RMDN2: variants seen among roughly 807,000 people sequenced by gnomAD.
RMDN2 encodes regulator of microtubule dynamics 2, also known as regulator of microtubule dynamics protein 2.
RMDN2 carries 61 observed loss-of-function variants against 52.8 expected under a neutral mutation model. The observed-to-expected ratio is 1.16, with a 90% CI of 0.94 to 1.43. RMDN2 has a LOEUF of 1.43. RMDN2 is among the 40% of genes most tolerant of loss of function. RMDN2 has a pLI of 0.00. For synonymous variants in RMDN2, 180 were observed against 153.1 expected (o/e 1.18, Z -1.30); for missense variants, 592 against 475.3 (o/e 1.25, Z -2.28).
At chr2:37,992,790 C>T (rs953707214) in intron 7 of RMDN2, among the ~76,000 whole-genome samples, 3 of 152,170 alleles carry the variant, frequency 2.0e-5, no homozygotes, top group Admixed American at 6.5e-5. Flanking sequence ...TGACTGTAAA[C>T]ATATATTGTA....
intron 7 of RMDN2, among the ~76,000 whole-genome samples, chr2:37,992,777 A>T (rs768910432): frequency 1.3e-5 from 2 of 152,248 alleles, no homozygotes; most frequent in East Asian, 3.8e-4. Flanking sequence ...TAAGCATTTT[A>T]TGTGACTGTA....
intron 5 of RMDN2, among the ~76,000 whole-genome samples, chr2:37,986,582 A>G (rs1295822859): frequency 6.6e-6 from 1 of 152,140 alleles, no homozygotes; most frequent in African/African-American, 2.4e-5. Context: ...AGAATTATAT[A>G]ACCAAGTGAG....
At chr2:37,973,954 C>T in intron 2 of RMDN2, 86 bp from the exon 3 acceptor site, 2 of 1,040,574 alleles carry the variant, frequency 1.9e-6, no homozygotes, top group Non-Finnish European at 1.4e-6. Context: ...ATAAGAGGGG[C>T]ATGATTTGAC....
At chr2:38,039,181 A>G (rs1206440504) in intron 10 of RMDN2, 1 of 152,028 alleles carries the variant, frequency 6.6e-6, no homozygotes, top group Non-Finnish European at 1.5e-5. Context: ...AATCCATATG[A>G]TTATGGTAAA....
intron 7 of RMDN2, among the ~76,000 whole-genome samples, chr2:37,996,916 G>A (rs994425244): frequency 5.9e-5 from 9 of 152,162 alleles, no homozygotes; most frequent in African/African-American, 2.2e-4. Context: ...TCTGGCTTGA[G>A]GATCCCTATT....
intron 4 of RMDN2, among the ~76,000 whole-genome samples, chr2:37,977,985 A>G (rs6544124): frequency 0.61 from 92,008 of 151,932 alleles, 29,841 homozygotes; most frequent in East Asian, 0.9. Context: ...GGAGGTGGAG[A>G]CTGTAGTGAG....
intron 8 of RMDN2, among the ~76,000 whole-genome samples, chr2:37,999,752 G>A (rs546363816): frequency 7.9e-5 from 12 of 152,156 alleles, no homozygotes; most frequent in Admixed American, 2.0e-4. Context: ...AGACTGCCCC[G>A]AATCCACCCC....
At chr2:38,018,809 C>A (rs973233875), downstream of RMDN2, among the ~76,000 whole-genome samples, 1 of 152,186 alleles carries the variant, frequency 6.6e-6, no homozygotes, top group Non-Finnish European at 1.5e-5. Context: ...ACCTCTTAAT[C>A]AGCCTCATCT....
intron 10 of RMDN2, among the ~76,000 whole-genome samples, chr2:38,064,614 T>C (rs1682193444): frequency 6.6e-6 from 1 of 152,194 alleles, no homozygotes; most frequent in Admixed American, 6.5e-5. Flanking sequence ...CTCCCCTTTT[T>C]TCACCCTTGC....
chr2:37,991,645 C>T (rs903044650), intron 7 of RMDN2, among the ~76,000 whole-genome samples: 1 of 151,816 alleles, frequency 6.6e-6, no homozygotes, highest in African/African-American at 2.4e-5. Context: ...TTGTGGCTGT[C>T]TCAGTTTGGG....
intron 10 of RMDN2, among the ~76,000 whole-genome samples, chr2:38,062,400 G>C (rs1490647511): frequency 1.3e-5 from 2 of 152,102 alleles, no homozygotes; most frequent in Non-Finnish European, 2.9e-5. Flanking sequence ...GTGTATCAAT[G>C]GTTCATTCTT....
Position 37,997,504 on chromosome 2 carries a change from A to G in RMDN2, c.1034A>G (p.Asn345Ser), listed in dbSNP as rs145342355. ...TCAACTGTACAAGAAGCTTTACACA[A>G]TTTCCTTAAGGTACATTTTGTGTAT... ...PSSTVQEALH[N>S]FLKAEELCPG... is the part of the protein sequence containing the mutation. Residue 345 changes from asparagine to serine, a missense_variant, in exon 8 of 11, where the codon AAT becomes AGT. Asn to Ser is a conservative substitution (Grantham distance 46, BLOSUM62 1). Transcript: ENST00000354545. 1.2e-3 allele frequency: 1,939 copies of G among 1,605,438 alleles called. 6 individuals carry two copies. The highest frequency in any genetic ancestry group is 1.6e-3 in the Non-Finnish European group (1,857 of 1,172,338).
At chr2:38,005,419 T>C (rs1219723308) in intron 10 of RMDN2, among the ~76,000 whole-genome samples, 1 of 152,176 alleles carries the variant, frequency 6.6e-6, no homozygotes, top group African/African-American at 2.4e-5. Context: ...TGGTGTCTCA[T>C]TGTGGTTTTG....
intron 1 of RMDN2, among the ~76,000 whole-genome samples, chr2:37,927,331 C>A (rs1666359557): frequency 6.6e-6 from 1 of 152,196 alleles, no homozygotes; most frequent in Non-Finnish European, 1.5e-5. Flanking sequence ...GTTGGGTGAT[C>A]ACTGGGTAAG....
At chr2:37,995,286 G>T (rs1675361314) in intron 7 of RMDN2, among the ~76,000 whole-genome samples, 3 of 151,642 alleles carry the variant, frequency 2.0e-5, no homozygotes, top group Admixed American at 2.0e-4. Context: ...GCATCTGTTG[G>T]GGGTCCTGGA....
At position 37,948,871 on chromosome 2, in the gene RMDN2, G is replaced by A. The variant is rs547568836; in HGVS notation, c.452+19142G>A. On this transcript the variant is annotated intron_variant, in intron 2 of 10. Coordinates refer to ENST00000354545, the MANE Select transcript of RMDN2 (RefSeq NM_001170791.3). Reference sequence around the variant, plus strand: ...TTTATTACCTCGACTGAGCAGCAGTGATTGACAGTGTTGAGATTTAGTTAC... The same window carrying A: ...TTTATTACCTCGACTGAGCAGCAGTAATTGACAGTGTTGAGATTTAGTTAC... Among the ~76,000 whole-genome samples, 11 of 152,262 alleles carry A rather than the reference G, an allele frequency of 7.2e-5. No homozygotes were observed. In the South Asian group the frequency reaches 1.7e-3, roughly 23 times the overall value.
intron 2 of RMDN2, among the ~76,000 whole-genome samples, chr2:37,956,262 C>T (rs1293533553): frequency 1.3e-5 from 2 of 152,098 alleles, no homozygotes; most frequent in Non-Finnish European, 2.9e-5. Context: ...TCTATTTATT[C>T]CTGATTCAGA....
intron 2 of RMDN2, among the ~76,000 whole-genome samples, chr2:37,960,310 A>G (rs1346418061): frequency 6.7e-6 from 1 of 150,160 alleles, no homozygotes; most frequent in African/African-American, 2.5e-5. Flanking sequence ...ACCTTGCTTT[A>G]TGAATCTGGG....
chr2:38,007,781 C>A (rs1484982305), intron 10 of RMDN2, among the ~76,000 whole-genome samples: 1 of 152,014 alleles, frequency 6.6e-6, no homozygotes, highest in Non-Finnish European at 1.5e-5. Flanking sequence ...TTCTCTAGTT[C>A]TTTTAATTGT....
Sources: gnomAD v4.1 joint callset for allele counts (sites outside exome capture counted in the v4.1 genomes callset) on GRCh38, gnomAD v4.1.1 for gene constraint, MANE v1.5 for transcripts, NCBI Gene and HGNC (gene_info 2026-07-23, HGNC 2026-07-21) for gene names.